The following PRPS1 variants were observed in gnomAD, a reference collection of about 807,000 sequenced individuals.
PRPS1 encodes ribose-phosphate pyrophosphokinase 1.
Under a neutral mutation model 16.9 loss-of-function variants are expected in PRPS1, and 1 was observed. The observed-to-expected ratio is 0.06, with a 90% CI of 0.02 to 0.28. The LOEUF (loss-of-function observed/expected upper bound fraction) is 0.28. Ranked by LOEUF, PRPS1 falls within the 10% of genes least tolerant of loss-of-function variation. The probability of loss-of-function intolerance (pLI) is 1.00; values close to 1 mark genes in which losing one functional copy is unlikely to be tolerated. For synonymous variants in PRPS1, 70 were observed against 90.2 expected, an observed-to-expected ratio of 0.78 and a Z score of 1.27; for missense variants, 47 against 254.0, an observed-to-expected ratio of 0.19 and a Z score of 5.54.
chrX:107,636,860 G>T (rs187391300), intron 1 of PRPS1, among the ~76,000 whole-genome samples: 66 of 112,889 alleles, frequency 5.8e-4, no homozygotes, highest in African/African-American at 2.1e-3. Flanking sequence ...AAGTGATCTT[G>T]ACAGAAATAG....
intron 6 of PRPS1, among the ~76,000 whole-genome samples, chrX:107,648,651 T>C (rs748606053): frequency 9.0e-6 from 1 of 110,866 alleles, no homozygotes; most frequent in Non-Finnish European, 1.9e-5. Flanking sequence ...AGCCTCAAGC[T>C]ATCCTCCTGT....
intron 6 of PRPS1, among the ~76,000 whole-genome samples, chrX:107,649,590 G>A (rs1925785245): frequency 8.9e-6 from 1 of 111,883 alleles, no homozygotes; most frequent in Non-Finnish European, 1.9e-5. Context: ...GAGTAGCTGG[G>A]ATTACAGGCG....
At chrX:107,629,264 A>G (rs1487121239) in intron 1 of PRPS1, among the ~76,000 whole-genome samples, 2 of 111,765 alleles carry the variant, frequency 1.8e-5, no homozygotes, top group African/African-American at 6.5e-5. Flanking sequence ...AGGGAAACTG[A>G]CATTATATAC....
At chrX:107,636,091 A>G (rs1367990937) in intron 1 of PRPS1, among the ~76,000 whole-genome samples, 1 of 106,433 alleles carries the variant, frequency 9.4e-6, no homozygotes, top group Non-Finnish European at 1.9e-5. Flanking sequence ...AAAACGTCCC[A>G]AAAGTCCCTT....
chrX:107,634,639 C>A (rs1271369829), intron 1 of PRPS1, among the ~76,000 whole-genome samples: 1 of 110,461 alleles, frequency 9.1e-6, no homozygotes, highest in African/African-American at 3.3e-5. Flanking sequence ...TATTTAGAAA[C>A]TTCCAGGCAA....
intron 1 of PRPS1, among the ~76,000 whole-genome samples, chrX:107,630,631 T>C (rs1925288110): frequency 9.0e-6 from 1 of 110,699 alleles, no homozygotes; most frequent in African/African-American, 3.3e-5. Flanking sequence ...AAATGGTAAC[T>C]GCTCCCTATA....
chrX:107,644,975 C>T (rs1487950914), intron 4 of PRPS1, among the ~76,000 whole-genome samples: 2 of 110,936 alleles, frequency 1.8e-5, no homozygotes, highest in East Asian at 2.8e-4. Context: ...CCACCATGCC[C>T]AGCTAATTTT....
chrX:107,643,262 G>A (rs1397398180), intron 4 of PRPS1, among the ~76,000 whole-genome samples: 1 of 112,107 alleles, frequency 8.9e-6, no homozygotes, highest in African/African-American at 3.2e-5. Context: ...CTTGAGTTAT[G>A]TTATCCAGCC....
At chrX:107,636,994 G>T (rs1306481547) in intron 1 of PRPS1, among the ~76,000 whole-genome samples, 1 of 112,260 alleles carries the variant, frequency 8.9e-6, no homozygotes, top group Non-Finnish European at 1.9e-5. Flanking sequence ...TGTTCAATAG[G>T]TATTGTCAGC....
At chrX:107,638,442 C>T (rs1480750531) in intron 1 of PRPS1, among the ~76,000 whole-genome samples, 1 of 111,827 alleles carries the variant, frequency 8.9e-6, no homozygotes, top group Non-Finnish European at 1.9e-5. Context: ...ACGGGTTTCA[C>T]CATGTTGACT....
chrX:107,633,641 C>A (rs1488358836), intron 1 of PRPS1, among the ~76,000 whole-genome samples: 1 of 110,248 alleles, frequency 9.1e-6, no homozygotes, highest in East Asian at 2.8e-4. Context: ...AAAATAATCA[C>A]CTTGGCTGGG....
chrX:107,632,005 A>T (rs888942678), intron 1 of PRPS1, among the ~76,000 whole-genome samples: 1 of 112,545 alleles, frequency 8.9e-6, no homozygotes, highest in Non-Finnish European at 1.9e-5. Flanking sequence ...TTTAATGTAT[A>T]GTGAATGCCT....
At chrX:107,644,449 C>A (rs1421602722) in intron 4 of PRPS1, among the ~76,000 whole-genome samples, 1 of 111,902 alleles carries the variant, frequency 8.9e-6, no homozygotes, top group Non-Finnish European at 1.9e-5. Flanking sequence ...CACCACATCC[C>A]CATTCACGGG....
intron 2 of PRPS1, among the ~76,000 whole-genome samples, chrX:107,640,214 C>T (rs1179190172): frequency 1.8e-5 from 2 of 111,952 alleles, no homozygotes; most frequent in Non-Finnish European, 3.8e-5. Context: ...TGGCGCTGCG[C>T]GCCTGTAGTC....
chrX:107,646,537 A>G (rs1284825480), intron 5 of PRPS1, among the ~76,000 whole-genome samples: 12 of 112,366 alleles, frequency 1.1e-4, no homozygotes, highest in Non-Finnish European at 7.5e-5. Context: ...GTAAACATTC[A>G]TAAAACCCAT....
chrX:107,633,504 G>A (rs188088931), intron 1 of PRPS1, among the ~76,000 whole-genome samples: 12 of 110,507 alleles, frequency 1.1e-4, no homozygotes, highest in African/African-American at 3.9e-4. Flanking sequence ...AACAAAAATG[G>A]TACTAGCGAC....
chrX:107,644,175 A>G (rs1925638046), intron 4 of PRPS1, among the ~76,000 whole-genome samples: 1 of 112,147 alleles, frequency 8.9e-6, no homozygotes, highest in African/African-American at 3.2e-5. Flanking sequence ...AGTCTGGTTT[A>G]TTTTCTCTTG....
intron 6 of PRPS1, among the ~76,000 whole-genome samples, chrX:107,648,968 A>G (rs1037164174): frequency 3.6e-5 from 4 of 111,160 alleles, no homozygotes; most frequent in African/African-American, 1.3e-4. Context: ...CATGTTGCTC[A>G]GGCTGGTCTT....
intron 3 of PRPS1, chrX:107,641,218 C>T (rs1163707287): frequency 7.8e-5 from 75 of 957,303 alleles, no homozygotes; most frequent in Non-Finnish European, 6.0e-5. Flanking sequence ...AAGAGCACTA[C>T]TTTGAATAAA....
Sources: gnomAD v4.1 joint callset for allele counts (sites outside exome capture counted in the v4.1 genomes callset) on GRCh38, gnomAD v4.1.1 for gene constraint, MANE v1.5 for transcripts, NCBI Gene and HGNC (gene_info 2026-07-23, HGNC 2026-07-21) for gene names.